The following ATL2 variants were observed in gnomAD, a reference collection of about 807,000 sequenced individuals.
ATL2 encodes the protein atlastin GTPase 2.
Under a neutral mutation model 73.9 loss-of-function variants are expected in ATL2, and 31 were observed. That is an observed-to-expected ratio of 0.42 (90% CI 0.32 to 0.57). The LOEUF (loss-of-function observed/expected upper bound fraction) is 0.57, where lower values mean the gene tolerates loss of function less well. ATL2 is among the 20% of genes least tolerant of loss of function. The pLI is 0.14. For synonymous variants in ATL2, 291 were observed against 237.5 expected, an observed-to-expected ratio of 1.23 and a Z score of -2.07; for missense variants, 738 against 702.6, an observed-to-expected ratio of 1.05 and a Z score of -0.57.
In ATL2 at chr2:38,298,375, A is replaced by T; in HGVS notation, c.1401T>A (p.Asn467Lys). The change falls in exon 12 of 13, where the codon AAT (asparagine) becomes AAA (lysine). Residue 467 changes from asparagine (N) to lysine (K), a missense_variant. Asn to Lys is a moderately conservative substitution (Grantham distance 94). Transcript: ENST00000378954. ...ANFIKHNDGK[N>K]IFYAARTPAT... is the part of the protein sequence containing the mutation. ...CTGGGGTACGAGCAGCATAGAAGAT[A>T]TTTTTGCCATCATTGTGCTTTATAA... 6.2e-7 allele frequency: 1 copy of T among 1,614,170 alleles called. No homozygotes were observed. The highest frequency in any genetic ancestry group is 1.3e-5 in the African/African-American group (1 of 75,058).
chr2:38,373,791 A>T (rs1671815526), intron 1 of ATL2, among the ~76,000 whole-genome samples: 1 of 152,188 alleles, frequency 6.6e-6, no homozygotes. Flanking sequence ...TAACAAACAG[A>T]ATTGTTCTAC....
At chr2:38,327,955 G>C (rs1168110726) in intron 2 of ATL2, among the ~76,000 whole-genome samples, 1 of 152,046 alleles carries the variant, frequency 6.6e-6, no homozygotes, top group African/African-American at 2.4e-5. Context: ...AATTGTCACA[G>C]TGGGTTTTTA....
upstream of ATL2, among the ~76,000 whole-genome samples, chr2:38,377,565 C>G (rs1366325241): frequency 8.5e-5 from 13 of 152,142 alleles, no homozygotes; most frequent in Non-Finnish European, 2.9e-5. Context: ...ACACCCCCAC[C>G]TCCCTGAGCT....
Position 38,294,634 on chromosome 2 carries a change from T to C in ATL2, c.*1360A>G, listed in dbSNP as rs866761847. On this transcript the variant is annotated 3_prime_UTR_variant, in exon 13 of 13. Coordinates refer to ENST00000378954, the MANE Select transcript of ATL2 (RefSeq NM_001135673.4). ...ACTGAAAAAATGCTAGCCTTACATA[T>C]ACCACCAAAAAAAAAAAAAGAGAGA... Among the ~76,000 whole-genome samples the C allele has an allele frequency of 6.7e-4, 79 of 118,132 alleles. 1 individual carries two copies. The highest frequency in any genetic ancestry group is 8.4e-3 in the Middle Eastern group (2 of 238). The allele number at this position is 118,132 out of a possible 152,430, so 77.5% of individuals were successfully genotyped here.
At chr2:38,315,996 A>T (rs1265624780) in intron 4 of ATL2, among the ~76,000 whole-genome samples, 1 of 152,198 alleles carries the variant, frequency 6.6e-6, no homozygotes, top group Non-Finnish European at 1.5e-5. Flanking sequence ...TATCCTCAGG[A>T]AACGGGGATT....
chr2:38,376,413 A>T (rs1308048897), intron 1 of ATL2: 1 of 404,696 alleles, frequency 2.5e-6, no homozygotes, highest in East Asian at 3.7e-5. Context: ...TTTCAGAGTG[A>T]TCAGGCCTTA....
At chr2:38,323,466 A>G (rs913382973) in intron 2 of ATL2, among the ~76,000 whole-genome samples, 3 of 151,138 alleles carry the variant, frequency 2.0e-5, no homozygotes, top group African/African-American at 4.9e-5. Flanking sequence ...AGCCTCTCAA[A>G]GTGCTGGGAT....
At chr2:38,346,373 C>T (rs1670016499) in intron 1 of ATL2, among the ~76,000 whole-genome samples, 1 of 152,126 alleles carries the variant, frequency 6.6e-6, no homozygotes, top group Admixed American at 6.5e-5. Context: ...AGGTTACCCT[C>T]CTTAAAATCA....
intron 2 of ATL2, among the ~76,000 whole-genome samples, chr2:38,338,384 T>C (rs1475853624): frequency 6.6e-6 from 1 of 152,152 alleles, no homozygotes; most frequent in African/African-American, 2.4e-5. Context: ...AGATCAATTG[T>C]ACCCCAAACA....
chr2:38,313,390 G>A (rs1425111818), intron 6 of ATL2, 147 bp from the exon 7 acceptor site: 2 of 590,242 alleles, frequency 3.4e-6, no homozygotes, highest in South Asian at 2.4e-5. Flanking sequence ...TACTGGTCAT[G>A]GTTATATCAA....
chr2:38,326,834 A>G (rs1228909360), intron 2 of ATL2, among the ~76,000 whole-genome samples: 2 of 152,000 alleles, frequency 1.3e-5, no homozygotes, highest in Non-Finnish European at 2.9e-5. Context: ...CTAAAAATAC[A>G]AAAATTAGCC....
At chr2:38,344,316 A>G (rs1669896783) in intron 1 of ATL2, among the ~76,000 whole-genome samples, 1 of 152,194 alleles carries the variant, frequency 6.6e-6, no homozygotes. Context: ...TTAAAAACAT[A>G]TATTAAAATT....
At position 38,298,530 on chromosome 2, in the gene ATL2, G is replaced by C. The variant is rs1240563298; in HGVS notation, c.1246C>G (p.Arg416Gly). ...ACTTCCTTGAGATCCAAGTGTTTTC[G>C]CTCCAGATCTGAAGGTGCAATGTAA... ...KPYIAPSDLE[R>G]KHLDLKEVAI... The change falls in exon 12 of 13, where the codon CGA (arginine) becomes GGA (glycine). Residue 416 changes from arginine (R) to glycine (G), a missense_variant. Coordinates refer to ENST00000378954, the MANE Select transcript of ATL2 (RefSeq NM_001135673.4). 5 of 1,614,002 alleles carry C rather than the reference G, an allele frequency of 3.1e-6. No homozygotes were observed. Among genetic ancestry groups the C allele is most frequent in the Non-Finnish European group, 4.2e-6 (5 of 1,179,974 alleles).
chr2:38,360,132 A>G (rs28663245), intron 1 of ATL2, among the ~76,000 whole-genome samples: 6 of 123,858 alleles, frequency 4.8e-5, no homozygotes, highest in South Asian at 3.0e-4. Context: ...CCATTTCAAA[A>G]AAAAAAAAAA....
intron 1 of ATL2, among the ~76,000 whole-genome samples, chr2:38,365,146 CACACACACACACACACACAAAT>C (rs1174646093): frequency 3.1e-3 from 459 of 148,506 alleles, no homozygotes; most frequent in Non-Finnish European, 4.0e-3. Flanking sequence ...CACACACACA[CACACACACACACACACACAAAT>C]ACACACACAC....
At chr2:38,371,611 A>G (rs1308276269) in intron 1 of ATL2, among the ~76,000 whole-genome samples, 1 of 152,044 alleles carries the variant, frequency 6.6e-6, no homozygotes, top group Non-Finnish European at 1.5e-5. Context: ...AACATTACAG[A>G]CCCAGGCAGG....
chr2:38,370,569 G>A (rs915830605), intron 1 of ATL2, among the ~76,000 whole-genome samples: 1 of 150,254 alleles, frequency 6.7e-6, no homozygotes, highest in Non-Finnish European at 1.5e-5. Flanking sequence ...TCAGAAGTTT[G>A]AGACCAGCCT....
Position 38,343,255 on chromosome 2 carries a change from A to C in ATL2, c.363+13T>G, listed in dbSNP as rs1350006334. 1 of 1,567,824 alleles carries C rather than the reference A, an allele frequency of 6.4e-7. No homozygotes were observed. Among genetic ancestry groups the C allele is most frequent in the Non-Finnish European group, 8.6e-7 (1 of 1,165,656 alleles). On this transcript the variant is annotated intron_variant, in intron 2 of 12. Coordinates refer to ENST00000378954, the MANE Select transcript of ATL2 (RefSeq NM_001135673.4). ...TTTCTTTTTAATTGGGTTCAATTTAAAAGACTATTCACCTTGTTATACATG... is the reference window on the plus strand; with the variant it reads ...TTTCTTTTTAATTGGGTTCAATTTACAAGACTATTCACCTTGTTATACATG...
In ATL2 at chr2:38,350,587, T is replaced by C. The variant is rs76737806; in HGVS notation, c.119-7075A>G. Among the ~76,000 whole-genome samples, 458 of 152,236 alleles carry C rather than the reference T, an allele frequency of 3.0e-3. 6 individuals are homozygous for C. The highest frequency in any genetic ancestry group is 0.01 in the African/African-American group (423 of 41,544). The stretch of plus-strand genomic sequence containing the variant: ...AATATACAACCCCAAGAGTGAACCA[T>C]AATGTAAAACTATAGACTTTGGATG... On this transcript the variant is annotated intron_variant, in intron 1 of 12. Transcript: ENST00000378954.
Sources: allele counts gnomAD v4.1 joint callset (sites outside exome capture counted in the v4.1 genomes callset), GRCh38; gene constraint gnomAD v4.1.1; transcripts MANE v1.5; gene names NCBI Gene and HGNC (gene_info 2026-07-23, HGNC 2026-07-21).